BRI3BP: variants seen among roughly 807,000 people sequenced by gnomAD.
The protein encoded by BRI3BP is BRI3 binding protein, also known as BRI3-binding protein.
In BRI3BP, 7 loss-of-function variants were observed where a neutral mutation model predicts 15.8. The observed-to-expected ratio is 0.44, with a 90% CI of 0.25 to 0.83. The LOEUF is 0.83. Among genes scored for constraint, BRI3BP ranks in the 40% least tolerant of loss-of-function variants. The pLI is 0.20. For synonymous variants in BRI3BP, 192 were observed against 163.5 expected (o/e 1.17, Z -1.33); for missense variants, 320 against 339.3 (o/e 0.94, Z 0.45).
At chr12:125,023,232 T>C (rs573776717) in intron 2 of BRI3BP, among the ~76,000 whole-genome samples, 4 of 152,288 alleles carry the variant, frequency 2.6e-5, no homozygotes, top group African/African-American at 9.6e-5. Flanking sequence ...GAGGCGGGTT[T>C]GATGGCTCTG....
At position 125,030,401 on chromosome 12, in the gene BRI3BP, A is replaced by G. The variant is rs150822635; in HGVS notation, c.*4971A>G. 300 of 152,334 alleles carry G rather than the reference A, an allele frequency of 2.0e-3. 1 individual carries two copies. Among genetic ancestry groups the G allele is most frequent in the African/African-American group, 7.0e-3 (290 of 41,574 alleles). 9.4% of individuals were successfully genotyped at this position (152,334 alleles called of 1,614,324 possible). A position where few individuals can be genotyped will look rare whatever the true frequency, so the allele number is the denominator to read the frequency against. ...CCTCACTTGTGAATAATAGGAATAT[A>G]TTTTGCAGAATCTAACATAATACCC... On this transcript the variant is annotated 3_prime_UTR_variant, in exon 3 of 3. Transcript: ENST00000341446.
intron 1 of BRI3BP, among the ~76,000 whole-genome samples, chr12:125,010,108 A>G (rs1352021224): frequency 6.6e-6 from 1 of 152,108 alleles, no homozygotes; most frequent in Non-Finnish European, 1.5e-5. Flanking sequence ...TCTCAAAAAA[A>G]AAAAAGAAGA....
At chr12:125,023,480 A>G (rs1018881511) in intron 2 of BRI3BP, among the ~76,000 whole-genome samples, 2 of 152,220 alleles carry the variant, frequency 1.3e-5, no homozygotes, top group African/African-American at 4.8e-5. Context: ...GAAGGTGGGC[A>G]TTTGTTACTA....
At chr12:125,011,860 G>T (rs978307312) in intron 1 of BRI3BP, among the ~76,000 whole-genome samples, 2 of 152,190 alleles carry the variant, frequency 1.3e-5, no homozygotes, top group Admixed American at 6.6e-5. Flanking sequence ...ATCATTACCA[G>T]CTTCCTTGGA....
chr12:125,051,012 A>G, the BRI3BP span, among the ~76,000 whole-genome samples: 1 of 152,214 alleles, frequency 6.6e-6, no homozygotes, highest in African/African-American at 2.4e-5. Context: ...TCACACTTAC[A>G]TAAGAGGAAA....
chr12:125,026,692 C>T lies in BRI3BP; in HGVS notation c.*1262C>T, dbSNP rs1035732470. On this transcript the variant is annotated 3_prime_UTR_variant, in exon 3 of 3. Transcript: ENST00000341446. ...CTAGGCCAGGCGCAGTGGCTGATGC[C>T]TGTAATCCCAGCGCTTTGGGAGGCC... is the stretch of plus-strand genomic sequence containing the variant. The T allele has an allele frequency of 6.6e-6, 1 of 152,212 alleles. No individual in the cohort carries two copies. Among genetic ancestry groups the T allele is most frequent in the African/African-American group, 2.4e-5 (1 of 41,430 alleles). The allele number at this position is 152,212 out of a possible 1,614,324, so 9.4% of individuals were successfully genotyped here.
At chr12:124,999,622 T>C (rs1035749794) in intron 1 of BRI3BP, among the ~76,000 whole-genome samples, 2 of 150,050 alleles carry the variant, frequency 1.3e-5, no homozygotes, top group East Asian at 4.0e-4. Flanking sequence ...TTTATTTATT[T>C]ATTTATTTTT....
At chr12:125,039,028 T>G in the BRI3BP span, among the ~76,000 whole-genome samples, 1 of 152,086 alleles carries the variant, frequency 6.6e-6, no homozygotes, top group African/African-American at 2.4e-5. Context: ...AGGGGGAGGT[T>G]GCAGTGAGCT....
At chr12:125,031,306 T>G (rs185250639), downstream of BRI3BP, 1 of 152,316 alleles carries the variant, frequency 6.6e-6, no homozygotes, top group Admixed American at 6.5e-5. Context: ...AGAAGAGTCA[T>G]AAAACCTTGA....
In BRI3BP at chr12:125,020,143, G is replaced by A. The variant is rs573397826; in HGVS notation, c.317-4848G>A. On this transcript the variant is annotated intron_variant, in intron 2 of 2. Coordinates refer to ENST00000341446, the MANE Select transcript of BRI3BP (RefSeq NM_080626.6). The stretch of plus-strand genomic sequence containing the variant: ...TTTTTTTTAATAGAGACAAGGTTTC[G>A]CCATATTGGTCAGGCTGGTCTCGAA... Among the ~76,000 whole-genome samples, 27 of 151,592 alleles carry A rather than the reference G, an allele frequency of 1.8e-4. No homozygotes were observed. In the South Asian group the frequency reaches 1.9e-3, roughly 11 times the overall value.
intron 2 of BRI3BP, among the ~76,000 whole-genome samples, chr12:125,017,963 A>G (rs1955261713): frequency 6.6e-6 from 1 of 152,156 alleles, no homozygotes; most frequent in Admixed American, 6.5e-5. Flanking sequence ...TTACCCTATC[A>G]GCGAGTCATG....
the BRI3BP span, among the ~76,000 whole-genome samples, chr12:125,043,778 C>T: frequency 6.6e-6 from 1 of 152,106 alleles, no homozygotes; most frequent in East Asian, 1.9e-4. Flanking sequence ...ATTGCTGGAA[C>T]CCAGGAGGTG....
At chr12:125,017,390 A>C (rs1405771043) in intron 2 of BRI3BP, among the ~76,000 whole-genome samples, 1 of 151,728 alleles carries the variant, frequency 6.6e-6, no homozygotes, top group Non-Finnish European at 1.5e-5. Flanking sequence ...CCTGAGCTCC[A>C]GTGATCTGCC....
At chr12:125,049,399 C>T in the BRI3BP span, among the ~76,000 whole-genome samples, 82 of 152,294 alleles carry the variant, frequency 5.4e-4, no homozygotes, top group African/African-American at 1.9e-3. Flanking sequence ...ATCCTAGGGG[C>T]TCATCTGCGT....
At chr12:125,037,282 T>C in the BRI3BP span, among the ~76,000 whole-genome samples, 1 of 152,084 alleles carries the variant, frequency 6.6e-6, no homozygotes, top group African/African-American at 2.4e-5. Flanking sequence ...GGTCTTGAAC[T>C]CCTGACCTCA....
Position 125,030,546 on chromosome 12 carries a change from G to A in BRI3BP, c.*5116G>A, listed in dbSNP as rs1955398579. 6.6e-6 allele frequency: 1 copy of A among 152,198 alleles called. No individual in the cohort carries two copies. Among genetic ancestry groups the A allele is most frequent in the Non-Finnish European group, 1.5e-5 (1 of 68,040 alleles). 9.4% of individuals were successfully genotyped at this position (152,198 alleles called of 1,614,324 possible). On this transcript the variant is annotated 3_prime_UTR_variant, in exon 3 of 3. Transcript: ENST00000341446. ...TCCTTGATATGTAGGAGGTGCACCA[G>A]TACCAGTTTTTCTCTTGTGGTGGCT...
At chr12:125,022,773 C>T (rs12426966) in intron 2 of BRI3BP, among the ~76,000 whole-genome samples, 72,281 of 151,820 alleles carry the variant, frequency 0.48, 19,001 homozygotes, top group African/African-American at 0.69. Flanking sequence ...GTGATCCACC[C>T]ACCTTGGCCT....
the BRI3BP span, among the ~76,000 whole-genome samples, chr12:125,044,152 G>GT: frequency 6.7e-6 from 1 of 149,652 alleles, no homozygotes; most frequent in Admixed American, 6.8e-5. Context: ...TGTTTTGGTT[G>GT]TTTTTTTGTG....
In BRI3BP at chr12:124,993,956, A is replaced by G. The variant is rs772274176; in HGVS notation, c.166A>G (p.Ser56Gly). 38 of 1,365,652 alleles carry G rather than the reference A, an allele frequency of 2.8e-5. 1 individual carries two copies. Among genetic ancestry groups the G allele is most frequent in the Non-Finnish European group, 3.4e-5 (36 of 1,045,582 alleles). 84.6% of individuals were successfully genotyped at this position (1,365,652 alleles called of 1,614,324 possible). A position where few individuals can be genotyped will look rare whatever the true frequency, so the allele number is the denominator to read the frequency against. Reference protein sequence around the residue: ...YRRTVNTFSQSVSSLFGEDNV... With the variant: ...YRRTVNTFSQGVSSLFGEDNV... ...CCGCACGGTCAACACCTTCTCCCAG[A>G]GCGTCAGCAGCCTGTTCGGCGAGGA... Residue 56 changes from serine to glycine, a missense_variant, in exon 1 of 3, where the codon AGC becomes GGC. Physicochemically the swap from Ser to Gly is moderately conservative, Grantham distance 56 (BLOSUM62 0). Coordinates refer to ENST00000341446, the MANE Select transcript of BRI3BP (RefSeq NM_080626.6).
Sources: gnomAD v4.1 joint callset for allele counts (sites outside exome capture counted in the v4.1 genomes callset) on GRCh38, gnomAD v4.1.1 for gene constraint, MANE v1.5 for transcripts, NCBI Gene and HGNC (gene_info 2026-07-23, HGNC 2026-07-21) for gene names.